Variants in CSMD1 observed in about 807,000 individuals in gnomAD.
CSMD1 encodes CUB and sushi domain-containing protein 1.
Under a neutral mutation model 417.5 loss-of-function variants are expected in CSMD1, and 213 were observed. The ratio of observed to expected loss-of-function variants is 0.51; its 90% CI spans 0.46 to 0.57. The LOEUF (loss-of-function observed/expected upper bound fraction) is 0.57. Ranked by LOEUF, CSMD1 falls within the 20% of genes least tolerant of loss-of-function variation. The probability of loss-of-function intolerance (pLI) is 0.00; values close to 1 mark genes in which losing one functional copy is unlikely to be tolerated. For synonymous variants in CSMD1, 2,862 were observed against 1,736.8 expected (o/e 1.65, Z -16.11); for missense variants, 6,923 against 4,529.7 (o/e 1.53, Z -15.17).
intron 21 of CSMD1, among the ~76,000 whole-genome samples, chr8:3,356,809 G>C (rs762860122): frequency 2.0e-5 from 3 of 152,250 alleles, no homozygotes; most frequent in Admixed American, 6.5e-5. Flanking sequence ...TGCTGGCTGA[G>C]CACTGGGTGC....
chr8:4,606,106 C>G (rs116466801), intron 2 of CSMD1, among the ~76,000 whole-genome samples: 1 of 152,056 alleles, frequency 6.6e-6, no homozygotes, highest in Non-Finnish European at 1.5e-5. Flanking sequence ...CAAAATTGAT[C>G]GAGCTGAAAT....
At chr8:3,410,168 G>A (rs180783636) in intron 12 of CSMD1, among the ~76,000 whole-genome samples, 20 of 152,202 alleles carry the variant, frequency 1.3e-4, no homozygotes, top group Admixed American at 3.9e-4. Context: ...TAACATATGC[G>A]TCCAAATACA....
chr8:4,451,673 C>G (rs756153910), intron 2 of CSMD1, among the ~76,000 whole-genome samples: 5 of 152,098 alleles, frequency 3.3e-5, no homozygotes, highest in African/African-American at 4.8e-5. Context: ...ATTGAGTTCA[C>G]TGATGACCAT....
At chr8:3,393,237 A>T (rs1191788059) in intron 17 of CSMD1, among the ~76,000 whole-genome samples, 1 of 152,146 alleles carries the variant, frequency 6.6e-6, no homozygotes, top group Admixed American at 6.5e-5. Flanking sequence ...TGAGCCTTTG[A>T]AGTCACAGTG....
At chr8:4,960,839 C>T (rs1205820760) in intron 1 of CSMD1, among the ~76,000 whole-genome samples, 1 of 152,078 alleles carries the variant, frequency 6.6e-6, no homozygotes, top group African/African-American at 2.4e-5. Flanking sequence ...AATTCATTTA[C>T]ATCATAAGTT....
intron 23 of CSMD1, among the ~76,000 whole-genome samples, chr8:3,310,242 A>C (rs893039494): frequency 3.0e-4 from 44 of 147,104 alleles, no homozygotes; most frequent in Non-Finnish European, 6.0e-4. Context: ...CATGTATGAC[A>C]AAATCCATCA....
intron 4 of CSMD1, among the ~76,000 whole-genome samples, chr8:4,031,627 A>T (rs528813617): frequency 6.7e-6 from 1 of 149,146 alleles, no homozygotes; most frequent in Admixed American, 7.0e-5. Flanking sequence ...TGGTCCAAGC[A>T]TGACTTTTCT....
chr8:3,653,346 T>C (rs1018150455), intron 7 of CSMD1, among the ~76,000 whole-genome samples: 12 of 152,198 alleles, frequency 7.9e-5, no homozygotes, highest in African/African-American at 2.9e-4. Flanking sequence ...TTCACTTTTG[T>C]TGTCCGGGCT....
chr8:4,820,123 G>A (rs1799438048), intron 1 of CSMD1, among the ~76,000 whole-genome samples: 1 of 151,994 alleles, frequency 6.6e-6, no homozygotes, highest in African/African-American at 2.4e-5. Context: ...CTGGGACAGA[G>A]GCTAGAATTC....
chr8:3,456,672 C>G (rs1280730693), intron 12 of CSMD1, among the ~76,000 whole-genome samples: 5 of 152,158 alleles, frequency 3.3e-5, no homozygotes, highest in Non-Finnish European at 7.3e-5. Flanking sequence ...ATCACATCTT[C>G]AGCTTGCTAA....
At position 4,824,430 on chromosome 8, in the gene CSMD1, G is replaced by A. The variant is rs114059258; in HGVS notation, c.85+169902C>T. 3.3e-3 allele frequency among the ~76,000 whole-genome samples: 498 copies of A among 152,120 alleles called. 1 individual carries two copies. The highest frequency in any genetic ancestry group is 0.011 in the African/African-American group (477 of 41,528). ...GACCTCTAAGCTAACATGTGGTTCCGGGTAGAAAAATTGTATAATTAAAGA... is the reference window on the plus strand; with the variant it reads ...GACCTCTAAGCTAACATGTGGTTCCAGGTAGAAAAATTGTATAATTAAAGA... On this transcript the variant is annotated intron_variant, in intron 1 of 69. Transcript: ENST00000635120.
chr8:4,574,405 G>A (rs928707949), intron 2 of CSMD1, among the ~76,000 whole-genome samples: 6 of 152,080 alleles, frequency 3.9e-5, no homozygotes, highest in Admixed American at 2.6e-4. Context: ...GCACTTCCCC[G>A]GTGAGGCAAT....
intron 5 of CSMD1, among the ~76,000 whole-genome samples, chr8:3,831,433 T>A (rs1043127033): frequency 1.3e-5 from 2 of 152,126 alleles, no homozygotes; most frequent in African/African-American, 4.8e-5. Flanking sequence ...ATATTAAAAT[T>A]CCATAAGGAA....
chr8:4,164,089 T>C (rs1288976406), intron 3 of CSMD1, among the ~76,000 whole-genome samples: 4 of 147,710 alleles, frequency 2.7e-5, no homozygotes, highest in African/African-American at 5.0e-5. Flanking sequence ...ACTCCAATAC[T>C]TATCATGTTT....
intron 7 of CSMD1, among the ~76,000 whole-genome samples, chr8:3,628,291 G>A (rs980914240): frequency 2.4e-4 from 37 of 152,082 alleles, no homozygotes; most frequent in African/African-American, 8.0e-4. Context: ...AAGCCCAGCA[G>A]AGGTTGCAGC....
intron 17 of CSMD1, among the ~76,000 whole-genome samples, chr8:3,389,091 G>C (rs1033267199): frequency 2.6e-5 from 4 of 152,158 alleles, no homozygotes; most frequent in African/African-American, 4.8e-5. Context: ...CCAGTGCTGG[G>C]TGAATGATTT....
At chr8:3,420,809 A>T (rs2116973959) in intron 12 of CSMD1, among the ~76,000 whole-genome samples, 1 of 152,324 alleles carries the variant, frequency 6.6e-6, no homozygotes, top group Non-Finnish European at 1.5e-5. Flanking sequence ...GATTGAAAAC[A>T]TTCCTTAAAC....
intron 3 of CSMD1, among the ~76,000 whole-genome samples, chr8:4,096,066 T>A (rs1209940071): frequency 5.3e-5 from 8 of 150,962 alleles, no homozygotes; most frequent in African/African-American, 1.7e-4. Context: ...GTAACTACAG[T>A]GTTGTTTTAT....
At chr8:2,973,410 G>T in intron 56 of CSMD1, 111 bp from the exon 57 acceptor site, 1 of 1,053,184 alleles carries the variant, frequency 9.5e-7, no homozygotes, top group Non-Finnish European at 1.4e-6. Context: ...TTTCACATGA[G>T]TTATGGTTAC....
Sources: gnomAD v4.1 joint callset for allele counts (sites outside exome capture counted in the v4.1 genomes callset) on GRCh38, gnomAD v4.1.1 for gene constraint, MANE v1.5 for transcripts, NCBI Gene and HGNC (gene_info 2026-07-23, HGNC 2026-07-21) for gene names.